CTPS2: variants seen among roughly 807,000 people sequenced by gnomAD.
CTPS2 encodes CTP synthase 2.
Under a neutral mutation model 46.8 loss-of-function variants are expected in CTPS2, and 19 were observed. The ratio of observed to expected loss-of-function variants is 0.41; its 90% CI spans 0.28 to 0.60. CTPS2 has a LOEUF of 0.60. Ranked by LOEUF, CTPS2 falls within the 20% of genes least tolerant of loss-of-function variation. The probability of loss-of-function intolerance (pLI) is 0.35; values close to 1 mark genes in which losing one functional copy is unlikely to be tolerated. For missense variants in CTPS2, 286 were observed against 447.6 expected, an observed-to-expected ratio of 0.64 and a Z score of 3.26; for synonymous variants, 151 against 165.2, an observed-to-expected ratio of 0.91 and a Z score of 0.66.
intron 14 of CTPS2, among the ~76,000 whole-genome samples, chrX:16,631,120 G>A (rs1408934059): frequency 1.8e-5 from 2 of 111,731 alleles, no homozygotes; most frequent in African/African-American, 6.5e-5. Flanking sequence ...AGGCCGAGGC[G>A]GGTGGATCAC....
chrX:16,706,936 G>C (rs183115532), intron 1 of CTPS2, among the ~76,000 whole-genome samples: 1 of 108,447 alleles, frequency 9.2e-6, no homozygotes, highest in Admixed American at 9.9e-5. Context: ...CCAGCTACTC[G>C]GGAGGCTGAG....
Position 16,693,383 on chromosome X carries a change from G to C in CTPS2, c.543C>G (p.Ser181Arg). 1 of 1,198,207 alleles carries C rather than the reference G, an allele frequency of 8.3e-7. No individual in the cohort carries two copies. Among genetic ancestry groups the C allele is most frequent in the Non-Finnish European group, 1.1e-6 (1 of 883,458 alleles). ...KRENFCNIHVSLVPQLSATGE... is the reference protein window; with the variant it reads ...KRENFCNIHVRLVPQLSATGE... ...CTGGAAAGCCCACCTGTGGGACAAG[G>C]CTAACGTGGATATTACAGAAATTCT... The change falls in exon 5 of 19, where the codon AGC becomes AGG. Residue 181 changes from serine (S) to arginine (R), a missense_variant. Transcript: ENST00000359276.
intron 17 of CTPS2, among the ~76,000 whole-genome samples, chrX:16,607,129 G>T (rs987130493): frequency 3.5e-5 from 4 of 112,987 alleles, no homozygotes; most frequent in African/African-American, 9.6e-5. Context: ...CAGTCCACAC[G>T]AGCCAGACAG....
chrX:16,604,414 A>G (rs1256960544), intron 17 of CTPS2, among the ~76,000 whole-genome samples: 2 of 112,605 alleles, frequency 1.8e-5, no homozygotes, highest in Non-Finnish European at 3.8e-5. Context: ...AGTTGTGCCT[A>G]AACTTGGTGT....
Position 16,698,251 on chromosome X carries a change from T to C in CTPS2, c.423A>G (p.Gln141=), listed in dbSNP as rs765885199. 9 of 1,199,686 alleles carry C rather than the reference T, an allele frequency of 7.5e-6. No individual in the cohort carries two copies. The highest frequency in any genetic ancestry group is 7.9e-6 in the Non-Finnish European group (7 of 884,552). Residue 141 remains glutamine (Q), a synonymous_variant, in exon 4 of 19, where the codon CAA becomes CAG. Transcript: ENST00000359276. ...VPVDGNKEEP[Q]ICVIELGGTI... Reference sequence around the variant, plus strand: ...CTATGCTTGCCTCAATAACGCATATTTGGGGCTCTTCCTTATTACCATCCA... The same window carrying C: ...CTATGCTTGCCTCAATAACGCATATCTGGGGCTCTTCCTTATTACCATCCA...
chrX:16,611,567 A>G (rs918677509), intron 16 of CTPS2, among the ~76,000 whole-genome samples: 9 of 111,265 alleles, frequency 8.1e-5, no homozygotes, highest in Non-Finnish European at 1.5e-4. Context: ...GGTAGCCACT[A>G]GCCATATGTA....
At chrX:16,668,651 T>A (rs1223246104) in intron 11 of CTPS2, among the ~76,000 whole-genome samples, 39 of 66,666 alleles carry the variant, frequency 5.9e-4, no homozygotes, top group South Asian at 1.5e-3. Context: ...GAAGGAAGGA[T>A]GGAAGGAAGG....
rs1032007750 is a variant in CTPS2 at position 16,698,477 on chromosome X, A to C, written c.338-141T>G. 2.4e-5 allele frequency: 11 copies of C among 452,841 alleles called. No homozygotes were observed. The East Asian group carries it at 3.2e-4, about 13-fold the overall frequency. The allele number at this position is 452,841 out of a possible 1,213,427, so 37.3% of individuals were successfully genotyped here. A position where few individuals can be genotyped will look rare whatever the true frequency, so the allele number is the denominator to read the frequency against. On this transcript the variant is annotated intron_variant, in intron 3 of 18. Transcript: ENST00000359276. Reference sequence around the variant, plus strand: ...GAAAATGAAAAGAAAAAAACGCAACAATTTTAAAAGAATTAGAACTTGTAG... The same window carrying C: ...GAAAATGAAAAGAAAAAAACGCAACCATTTTAAAAGAATTAGAACTTGTAG...
chrX:16,688,793 G>A (rs1398872179), intron 8 of CTPS2, among the ~76,000 whole-genome samples: 1 of 103,292 alleles, frequency 9.7e-6, no homozygotes. Context: ...AAAAACCTGT[G>A]AAGTTTAAAA....
At chrX:16,682,272 AT>A (rs1922807120) in intron 9 of CTPS2, among the ~76,000 whole-genome samples, 1 of 111,899 alleles carries the variant, frequency 8.9e-6, no homozygotes, top group Non-Finnish European at 1.9e-5. Context: ...ATCACCTGAG[AT>A]CAGGAGTTCG....
intron 14 of CTPS2, among the ~76,000 whole-genome samples, chrX:16,633,965 T>A (rs1299374254): frequency 8.9e-6 from 1 of 112,209 alleles, no homozygotes; most frequent in African/African-American, 3.2e-5. Context: ...TGTGTCAGGA[T>A]GTTCGATTCA....
intron 15 of CTPS2, among the ~76,000 whole-genome samples, chrX:16,618,479 G>T (rs1326109449): frequency 8.9e-6 from 1 of 111,767 alleles, no homozygotes; most frequent in East Asian, 2.8e-4. Context: ...GAACTGCTGG[G>T]TCATATGGTA....
chrX:16,699,154 G>T, intron 2 of CTPS2, 61 bp from the exon 3 acceptor site: 1 of 869,366 alleles, frequency 1.2e-6, no homozygotes, highest in Non-Finnish European at 1.6e-6. Context: ...TTTCAAAGAT[G>T]GACATATTTT....
intron 14 of CTPS2, among the ~76,000 whole-genome samples, chrX:16,623,319 CTA>C (rs2147209113): frequency 9.0e-6 from 1 of 111,546 alleles, no homozygotes; most frequent in African/African-American, 3.3e-5. Flanking sequence ...TTATTACTGA[CTA>C]TAGTCACCCT....
chrX:16,647,255 C>CTTTTTTTTTT lies in CTPS2; in HGVS notation c.1297-8022_1297-8013dup, dbSNP rs746634342. ...GACAATAGGCAGCATTGGGCCCATT[C>CTTTTTTTTTT]TTTTTTTTTTTTTTTTTTTTTTTTT... On this transcript the variant is annotated intron_variant, in intron 13 of 18. Coordinates refer to ENST00000359276, the MANE Select transcript of CTPS2 (RefSeq NM_175859.3). 1.2e-3 allele frequency among the ~76,000 whole-genome samples: 46 copies of CTTTTTTTTTT among 39,757 alleles called. 2 individuals carry two copies. Among genetic ancestry groups the CTTTTTTTTTT allele is most frequent in the African/African-American group, 4.5e-3 (44 of 9,885 alleles). 34.5% of individuals were successfully genotyped at this position (39,757 alleles called of 115,157 possible).
chrX:16,639,570 T>A (rs1931940311), intron 13 of CTPS2, among the ~76,000 whole-genome samples: 2 of 110,335 alleles, frequency 1.8e-5, no homozygotes, highest in African/African-American at 6.6e-5. Flanking sequence ...TGCTGAGGCC[T>A]CCCACTTCGG....
intron 14 of CTPS2, among the ~76,000 whole-genome samples, chrX:16,624,654 T>TAC (rs1360385466): frequency 8.9e-6 from 1 of 112,071 alleles, no homozygotes; most frequent in African/African-American, 3.2e-5. Context: ...CTGAGAGGTA[T>TAC]ACACACCACG....
intron 13 of CTPS2, among the ~76,000 whole-genome samples, chrX:16,643,475 G>A (rs1932174321): frequency 9.0e-6 from 1 of 111,250 alleles, no homozygotes. Context: ...CCAAAGTGCT[G>A]GGATTATAGG....
chrX:16,690,703 A>G (rs1923622831), intron 7 of CTPS2, among the ~76,000 whole-genome samples: 1 of 111,954 alleles, frequency 8.9e-6, no homozygotes, highest in Non-Finnish European at 1.9e-5. Flanking sequence ...ATTGGAATCA[A>G]GAGACAGAGA....
Sources: gnomAD v4.1 joint callset for allele counts (sites outside exome capture counted in the v4.1 genomes callset) on GRCh38, gnomAD v4.1.1 for gene constraint, MANE v1.5 for transcripts, NCBI Gene and HGNC (gene_info 2026-07-23, HGNC 2026-07-21) for gene names.